SEC14L1: variants seen among roughly 807,000 people sequenced by gnomAD.
SEC14L1 encodes the protein SEC14-like protein 1.
SEC14L1 carries 48 observed loss-of-function variants against 85.3 expected under a neutral mutation model. The ratio of observed to expected loss-of-function variants is 0.56; its 90% CI spans 0.45 to 0.72. The LOEUF is 0.72. Ranked by LOEUF, SEC14L1 falls within the 30% of genes least tolerant of loss-of-function variation. SEC14L1 has a pLI of 0.00. For missense variants in SEC14L1, 682 were observed against 921.4 expected, an observed-to-expected ratio of 0.74 and a Z score of 3.36; for synonymous variants, 391 against 355.5, an observed-to-expected ratio of 1.10 and a Z score of -1.12.
At chr17:77,173,981 G>T (rs909999864) in intron 3 of SEC14L1, among the ~76,000 whole-genome samples, 2 of 151,702 alleles carry the variant, frequency 1.3e-5, no homozygotes, top group Non-Finnish European at 2.9e-5. Flanking sequence ...GCTCACTGCA[G>T]CCTCTGCCTC....
rs2143511816 is a variant in SEC14L1 at position 77,142,708 on chromosome 17, C to G, written c.-73C>G. 1 of 151,960 alleles carries G rather than the reference C, an allele frequency of 6.6e-6. No individual in the cohort carries two copies. Among genetic ancestry groups the G allele is most frequent in the East Asian group, 1.9e-4 (1 of 5,174 alleles). 9.4% of individuals were successfully genotyped at this position (151,960 alleles called of 1,614,324 possible). On this transcript the variant is annotated 5_prime_UTR_variant, in exon 2 of 17. Coordinates refer to ENST00000436233, the MANE Select transcript of SEC14L1 (RefSeq NM_001143998.2). The stretch of plus-strand genomic sequence containing the variant: ...TGTTTGAATATCCTCTCACCATGTT[C>G]AGCATAAAGTACCATTCTTAATGAT...
At chr17:77,129,683 T>C (rs934638340) in intron 3 of SEC14L1, among the ~76,000 whole-genome samples, 4 of 152,022 alleles carry the variant, frequency 2.6e-5, no homozygotes, top group African/African-American at 9.7e-5. Context: ...GAGCTGAAGG[T>C]GGAGGAGGGT....
intron 3 of SEC14L1, among the ~76,000 whole-genome samples, chr17:77,124,704 T>C (rs990300302): frequency 2.6e-5 from 4 of 152,074 alleles, no homozygotes; most frequent in South Asian, 2.1e-4. Flanking sequence ...AAGTTGAGGG[T>C]TGGAGTGAGT....
rs1325517939 is a variant in SEC14L1 at position 77,104,925 on chromosome 17, A to G, written c.-136+11578A>G. 3.3e-5 allele frequency among the ~76,000 whole-genome samples: 5 copies of G among 151,918 alleles called. No individual in the cohort carries two copies. The East Asian group carries it at 9.7e-4, about 29-fold the overall frequency. ...GTCAGGGCACAGCTTGGTTTTATAC[A>G]TCTTAGGGAGACAGGAGACATCAAT... On this transcript the variant is annotated intron_variant, in intron 3 of 19. Transcript: ENST00000392476.
intron 9 of SEC14L1, among the ~76,000 whole-genome samples, chr17:77,203,346 A>G (rs1316673409): frequency 6.6e-6 from 1 of 152,178 alleles, no homozygotes; most frequent in Non-Finnish European, 1.5e-5. Context: ...CTGCACAGCT[A>G]CCCTGTCAGT....
intron 2 of SEC14L1, among the ~76,000 whole-genome samples, chr17:77,092,889 G>C (rs1027932110): frequency 6.6e-6 from 1 of 151,138 alleles, no homozygotes; most frequent in East Asian, 1.9e-4. Context: ...CGGAGGTTGC[G>C]GTGAGCCGAG....
intron 3 of SEC14L1, among the ~76,000 whole-genome samples, chr17:77,095,463 A>C (rs1024289841): frequency 2.0e-5 from 3 of 152,200 alleles, no homozygotes; most frequent in African/African-American, 7.2e-5. Context: ...CTGCAGACAC[A>C]CTGCCTGAAA....
chr17:77,089,701 G>A (rs1971459958), intron 2 of SEC14L1: 2 of 329,160 alleles, frequency 6.1e-6, no homozygotes, highest in Admixed American at 8.8e-5. Context: ...AGGGAGACAA[G>A]GTTAAATGAT....
At chr17:77,199,749 G>A (rs539439265) in intron 8 of SEC14L1, among the ~76,000 whole-genome samples, 15 of 152,154 alleles carry the variant, frequency 9.9e-5, no homozygotes, top group African/African-American at 3.6e-4. Flanking sequence ...TTGCGGAAAC[G>A]AAAATGAAAT....
intron 3 of SEC14L1, among the ~76,000 whole-genome samples, chr17:77,187,664 C>T (rs1318960188): frequency 1.3e-5 from 2 of 151,818 alleles, no homozygotes; most frequent in Non-Finnish European, 1.5e-5. Context: ...AGACGTGAGC[C>T]ACTGCACCCG....
rs114618928 is a variant in SEC14L1 at position 77,113,460 on chromosome 17, A to G, written c.-136+20113A>G. Among the ~76,000 whole-genome samples the G allele has an allele frequency of 3.9e-3, 600 of 151,970 alleles. 7 individuals are homozygous for G. Among genetic ancestry groups the G allele is most frequent in the African/African-American group, 0.014 (561 of 41,458 alleles). On this transcript the variant is annotated intron_variant, in intron 3 of 19. Coordinates refer to the SEC14L1 transcript ENST00000392476. Reference sequence around the variant, plus strand: ...CAGCAGGCTTGATAAAGAACGAGTTAAGGCTGGGCTCAGTGGCTCACACCT... The same window carrying G: ...CAGCAGGCTTGATAAAGAACGAGTTGAGGCTGGGCTCAGTGGCTCACACCT...
chr17:77,180,720 G>A (rs771415009), intron 3 of SEC14L1, among the ~76,000 whole-genome samples: 10 of 152,216 alleles, frequency 6.6e-5, no homozygotes, highest in Admixed American at 2.0e-4. Flanking sequence ...TTTGATCCTA[G>A]CTGTGGTTGC....
intron 3 of SEC14L1, among the ~76,000 whole-genome samples, chr17:77,185,627 T>G (rs890977434): frequency 6.6e-6 from 1 of 152,240 alleles, no homozygotes; most frequent in Non-Finnish European, 1.5e-5. Flanking sequence ...ATTCATTTTG[T>G]TTGAAACCTT....
chr17:77,099,901 T>C (rs1971727377), intron 3 of SEC14L1, among the ~76,000 whole-genome samples: 2 of 151,978 alleles, frequency 1.3e-5, no homozygotes, highest in South Asian at 4.2e-4. Flanking sequence ...GCTTCATGCG[T>C]TTTTTGTTGT....
chr17:77,153,067 TTTA>T (rs761833303), intron 3 of SEC14L1, among the ~76,000 whole-genome samples: 1 of 152,144 alleles, frequency 6.6e-6, no homozygotes, highest in Non-Finnish European at 1.5e-5. Context: ...TCTTTATTTA[TTTA>T]TTATTATTAT....
rs1976191579 is a variant in SEC14L1, at chr17:77,202,332, AAGG to A, written c.1010-1234_1010-1232del. 2.6e-5 allele frequency among the ~76,000 whole-genome samples: 4 copies of A among 152,048 alleles called. No individual in the cohort carries two copies. The East Asian group carries it at 5.8e-4, about 22-fold the overall frequency. ...GAGTTGTTGTCTCTACTTAAAAAAA[AAGG>A]AGGCTGGGCGCGGTGGCTCACACCT... is the stretch of plus-strand genomic sequence containing the variant. On this transcript the variant is annotated intron_variant, in intron 9 of 16. Coordinates refer to ENST00000436233, the MANE Select transcript of SEC14L1 (RefSeq NM_001143998.2).
At chr17:77,141,842 A>G (rs545444079) in intron 1 of SEC14L1, 12 of 152,198 alleles carry the variant, frequency 7.9e-5, no homozygotes, top group Non-Finnish European at 1.6e-4. Context: ...TATCGTCCTC[A>G]TATCTGGGAG....
intron 8 of SEC14L1, among the ~76,000 whole-genome samples, chr17:77,199,801 G>C (rs910751696): frequency 6.6e-6 from 1 of 152,186 alleles, no homozygotes; most frequent in Non-Finnish European, 1.5e-5. Flanking sequence ...ATTTTCTCTA[G>C]AGTAGTAAGG....
chr17:77,200,251 C>T (rs1218314317), intron 8 of SEC14L1, among the ~76,000 whole-genome samples: 2 of 152,066 alleles, frequency 1.3e-5, no homozygotes, highest in Non-Finnish European at 2.9e-5. Flanking sequence ...CTCGCTGCAG[C>T]CTCCACCTCC....
Sources: allele counts gnomAD v4.1 joint callset (sites outside exome capture counted in the v4.1 genomes callset), GRCh38; gene constraint gnomAD v4.1.1; transcripts MANE v1.5; gene names NCBI Gene and HGNC (gene_info 2026-07-23, HGNC 2026-07-21).